Variants in JSRP1 observed in about 807,000 individuals in gnomAD.
The protein encoded by JSRP1 is junctional sarcoplasmic reticulum protein 1.
JSRP1 carries 29 observed loss-of-function variants against 21.4 expected under a neutral mutation model. The observed-to-expected ratio is 1.36, with a 90% CI of 1.01 to 1.85. JSRP1 has a LOEUF of 1.85. Among genes scored for constraint, JSRP1 ranks in the 40% most tolerant of loss-of-function variants. The probability of loss-of-function intolerance (pLI) is 0.00; values close to 1 mark genes in which losing one functional copy is unlikely to be tolerated. For synonymous variants in JSRP1, 221 were observed against 206.1 expected (o/e 1.07, Z -0.62); for missense variants, 531 against 461.5 (o/e 1.15, Z -1.38).
At position 2,252,653 on chromosome 19, in the gene JSRP1, C is replaced by T; in HGVS notation, c.672G>A (p.Arg224=). 1.9e-6 allele frequency: 3 copies of T among 1,612,286 alleles called. No individual in the cohort carries two copies. Among genetic ancestry groups the T allele is most frequent in the South Asian group, 2.2e-5 (2 of 91,090 alleles). The change falls in exon 7 of 7, where the codon CGG becomes CGA. Residue 224 remains arginine (R), a synonymous_variant. Coordinates refer to ENST00000300961, the MANE Select transcript of JSRP1 (RefSeq NM_144616.4). ...EPGEATGEAV[R]EDRVTLADRG... ...GGTCTGCGAGGGTCACACGGTCCTC[C>T]CGGACGGCCTCTCCGGTGGCCTCGC... is the stretch of plus-strand genomic sequence containing the variant.
chr19:2,255,302 T>G lies in JSRP1; in HGVS notation c.13A>C (p.Thr5Pro). The G allele has an allele frequency of 6.2e-7, 1 of 1,608,070 alleles. No homozygotes were observed. Among genetic ancestry groups the G allele is most frequent in the Non-Finnish European group, 8.5e-7 (1 of 1,177,242 alleles). Reference protein sequence around the residue: MSMTTRAWEELDGGL... With the variant: MSMTPRAWEELDGGL... ...CCATCCAGCTCCTCCCAGGCTCTGG[T>G]TGTCATGGACATGGCTGGAGCAGCA... is the stretch of plus-strand genomic sequence containing the variant. Residue 5 changes from threonine (T) to proline (P), a missense_variant, in exon 2 of 7, where the codon ACC (threonine) becomes CCC (proline). Thr to Pro is a conservative substitution (Grantham distance 38). Transcript: ENST00000300961.
Position 2,252,312 on chromosome 19 carries a change from T to TC in JSRP1, c.*16dup, listed in dbSNP as rs761846930. On this transcript the variant is annotated 3_prime_UTR_variant, in exon 7 of 7. Coordinates refer to ENST00000300961, the MANE Select transcript of JSRP1 (RefSeq NM_144616.4). ...GGGCGTCCAGAAGGGGCCCCTGGAC[T>TC]CCGGCGCGGGGCCGGCTCAGTCCCG... 10 of 1,447,808 alleles carry TC rather than the reference T, an allele frequency of 6.9e-6. No individual in the cohort carries two copies. The Admixed American group carries it at 1.4e-4, about 20-fold the overall frequency. 89.7% of individuals were successfully genotyped at this position (1,447,808 alleles called of 1,614,324 possible).
In JSRP1 at chr19:2,252,487, G is replaced by T. The variant is rs1431673559; in HGVS notation, c.838C>A (p.Arg280Ser). Residue 280 changes from arginine to serine, a missense_variant, in exon 7 of 7, where the codon CGC becomes AGC. Transcript: ENST00000300961. ...TGGCCCCCTTCGCGTGACTCCCAGC[G>T]CTGGGGTAGGGCTTCCCGGGGCTCC... ...AREPREALPQ[R>S]WESREGGHRP... is the part of the protein sequence containing the mutation. The T allele has an allele frequency of 1.2e-5, 20 of 1,612,054 alleles. No individual in the cohort carries two copies. The Admixed American group carries it at 3.2e-4, about 26-fold the overall frequency.
chr19:2,252,860 T>C (rs1190572271), intron 6 of JSRP1, 52 bp downstream of exon 6: 4 of 1,594,656 alleles, frequency 2.5e-6, no homozygotes, highest in Non-Finnish European at 3.4e-6. Flanking sequence ...GCTCCTTCTT[T>C]CCTTGGGGAT....
intron 1 of JSRP1, among the ~76,000 whole-genome samples, chr19:2,255,923 A>T (rs746538573): frequency 2.0e-5 from 3 of 152,154 alleles, no homozygotes; most frequent in Admixed American, 6.5e-5. Context: ...AGGCCGGGGC[A>T]GGGGAGGAGG....
intron 5 of JSRP1, among the ~76,000 whole-genome samples, 172 bp downstream of exon 5, chr19:2,253,448 C>A (rs1226319261): frequency 1.3e-5 from 2 of 152,118 alleles, no homozygotes; most frequent in East Asian, 1.9e-4. Context: ...GAGGGGCGCG[C>A]AAGGCCCGTC....
intron 1 of JSRP1, among the ~76,000 whole-genome samples, chr19:2,255,815 C>G (rs1176415566): frequency 6.6e-6 from 1 of 152,216 alleles, no homozygotes; most frequent in Admixed American, 6.5e-5. Flanking sequence ...CTGGGCCACC[C>G]TGACTTGCCA....
chr19:2,252,437 C>A lies in JSRP1; in HGVS notation c.888G>T (p.Arg296Ser). The A allele has an allele frequency of 6.2e-7, 1 of 1,610,496 alleles. No homozygotes were observed. Among genetic ancestry groups the A allele is most frequent in the Non-Finnish European group, 8.5e-7 (1 of 1,179,512 alleles). The change falls in exon 7 of 7, where the codon AGG becomes AGT. Residue 296 changes from arginine (R) to serine (S), a missense_variant. Physicochemically the swap from Arg to Ser is moderately radical, Grantham distance 110. Transcript: ENST00000300961. ...GGHRPWARDS[R>S]DAEPRKKQAW... ...CCTGCTTCTTCCTGGGCTCGGCGTC[C>A]CTGGAGTCCCGTGCCCACGGCCGGT... is the stretch of plus-strand genomic sequence containing the variant.
Position 2,252,314 on chromosome 19 carries a change from C to T in JSRP1, c.*15G>A, listed in dbSNP as rs1215682006. 7.6e-6 allele frequency: 11 copies of T among 1,449,166 alleles called. No individual in the cohort carries two copies. Among genetic ancestry groups the T allele is most frequent in the South Asian group, 1.4e-5 (1 of 69,656 alleles). The allele number at this position is 1,449,166 out of a possible 1,614,324, so 89.8% of individuals were successfully genotyped here. ...GCGTCCAGAAGGGGCCCCTGGACTC[C>T]GGCGCGGGGCCGGCTCAGTCCCGCC... On this transcript the variant is annotated 3_prime_UTR_variant, in exon 7 of 7. Transcript: ENST00000300961.
At chr19:2,253,391 A>T (rs1471762266) in intron 5 of JSRP1, among the ~76,000 whole-genome samples, 1 of 152,114 alleles carries the variant, frequency 6.6e-6, no homozygotes, top group Non-Finnish European at 1.5e-5. Context: ...GCCAGAACCT[A>T]CTCGCGGCGA....
Position 2,252,364 on chromosome 19 carries a change from G to A in JSRP1, c.961C>T (p.Arg321Cys), listed in dbSNP as rs1313553576. Residue 321 changes from arginine (R) to cysteine (C), a missense_variant, in exon 7 of 7, where the codon CGC becomes TGC. Physicochemically the swap from Arg to Cys is radical, Grantham distance 180. Transcript: ENST00000300961. ...CCCTTGCCTGCGCGGAGCTTCTGGC[G>A]ACTCCCAGGCCGCTGCTCCTCGTCG... is the stretch of plus-strand genomic sequence containing the variant. ...RPDEEQRPGS[R>C]QKLRAGKGRD 1.9e-6 allele frequency: 3 copies of A among 1,557,152 alleles called. No individual in the cohort carries two copies. Among genetic ancestry groups the A allele is most frequent in the Admixed American group, 1.9e-5 (1 of 52,296 alleles).
rs1273647946 is a variant in JSRP1, at chr19:2,252,665, T to A, written c.660A>T (p.Gly220=). The change falls in exon 7 of 7, where the codon GGA becomes GGT. Residue 220 remains glycine (G), a synonymous_variant. Transcript: ENST00000300961. The part of the protein sequence containing the change: ...NDEEEPGEAT[G]EAVREDRVTL... ...TCACACGGTCCTCCCGGACGGCCTC[T>A]CCGGTGGCCTCGCCGGGCTCCTCTT... 1.9e-6 allele frequency: 3 copies of A among 1,612,152 alleles called. No homozygotes were observed. The highest frequency in any genetic ancestry group is 2.5e-6 in the Non-Finnish European group (3 of 1,179,922).
At chr19:2,252,835 T>G in intron 6 of JSRP1, 39 bp from the exon 7 acceptor site, 3 of 1,595,968 alleles carry the variant, frequency 1.9e-6, no homozygotes, top group Non-Finnish European at 2.6e-6. Flanking sequence ...AGCGCCCACC[T>G]TCCCCCCGGC....
At chr19:2,253,488 G>A (rs1174787822) in intron 5 of JSRP1, 132 bp downstream of exon 5, 2 of 874,130 alleles carry the variant, frequency 2.3e-6, no homozygotes, top group Non-Finnish European at 3.2e-6. Flanking sequence ...AACCAACTTT[G>A]GGGGCGTGCA....
At chr19:2,254,374 C>T in intron 3 of JSRP1, 71 bp downstream of exon 3, 2 of 1,605,476 alleles carry the variant, frequency 1.2e-6, no homozygotes, top group Non-Finnish European at 8.5e-7. Context: ...TAGACACCTG[C>T]CTCCCTTGGT....
chr19:2,253,053 A>C, intron 5 of JSRP1, 50 bp from the exon 6 acceptor site: 2 of 1,316,704 alleles, frequency 1.5e-6, no homozygotes, highest in Non-Finnish European at 2.1e-6. Context: ...GGCACGGTCC[A>C]CACTGTCCAT....
chr19:2,252,889 G>A, intron 6 of JSRP1, 23 bp downstream of exon 6: 1 of 1,603,570 alleles, frequency 6.2e-7, no homozygotes, highest in Non-Finnish European at 8.5e-7. Flanking sequence ...CAATGCCCGC[G>A]GTCAGTGGAA....
In JSRP1 at chr19:2,252,389, G is replaced by A. The variant is rs778411169; in HGVS notation, c.936C>T (p.Pro312=). The change falls in exon 7 of 7, where the codon CCC becomes CCT. Residue 312 remains proline, a synonymous_variant. Transcript: ENST00000300961. ...KKQAWVSPRR[P]DEEQRPGSRQ... is the part of the protein sequence containing the mutation. ...GACTCCCAGGCCGCTGCTCCTCGTC[G>A]GGACGCCTCGGGGACACCCAGGCCT... The A allele has an allele frequency of 6.3e-7, 1 of 1,590,528 alleles. No homozygotes were observed. The highest frequency in any genetic ancestry group is 2.3e-5 in the East Asian group (1 of 44,030).
Position 2,255,341 on chromosome 19 carries a change from C to A in JSRP1, c.-27G>T. ...GCTGGAGCAGCAGCAGGTCCCAGGCCAGGCTGGGAGGGGTGGGGAACAAGG... is the reference window on the plus strand; with the variant it reads ...GCTGGAGCAGCAGCAGGTCCCAGGCAAGGCTGGGAGGGGTGGGGAACAAGG... On this transcript the variant is annotated 5_prime_UTR_variant, in exon 2 of 7. Transcript: ENST00000300961. The A allele has an allele frequency of 6.7e-7, 1 of 1,492,152 alleles. No homozygotes were observed. The highest frequency in any genetic ancestry group is 1.2e-5 in the South Asian group (1 of 86,260). 92.4% of individuals were successfully genotyped at this position (1,492,152 alleles called of 1,614,324 possible).
Sources: gnomAD v4.1 joint callset for allele counts (sites outside exome capture counted in the v4.1 genomes callset) on GRCh38, gnomAD v4.1.1 for gene constraint, MANE v1.5 for transcripts, NCBI Gene and HGNC (gene_info 2026-07-23, HGNC 2026-07-21) for gene names.